GTF2I: variants seen among roughly 807,000 people sequenced by gnomAD.
The protein encoded by GTF2I is general transcription factor II-I.
Under a neutral mutation model 67.6 loss-of-function variants are expected in GTF2I, and 12 were observed. The ratio of observed to expected loss-of-function variants is 0.18; its 90% confidence interval spans 0.11 to 0.29. The LOEUF is 0.29. GTF2I is among the 10% of genes least tolerant of loss of function. GTF2I has a pLI of 1.00. For missense variants in GTF2I, 271 were observed against 580.1 expected (o/e 0.47, Z 5.47); for synonymous variants, 149 against 197.0 (o/e 0.76, Z 2.04).
chr7:74,675,699 G>C (rs190227352), intron 1 of GTF2I, among the ~76,000 whole-genome samples: 3 of 152,106 alleles, frequency 2.0e-5, no homozygotes, highest in Admixed American at 2.0e-4. Flanking sequence ...AAATTTTACA[G>C]TGTATAGTGT....
At chr7:74,661,781 A>G (rs1374264915) in intron 1 of GTF2I, among the ~76,000 whole-genome samples, 2 of 152,220 alleles carry the variant, frequency 1.3e-5, no homozygotes, top group African/African-American at 4.8e-5. Flanking sequence ...AATTCCTGTT[A>G]GCCATGATTA....
chr7:74,661,211 A>G (rs587632088), intron 1 of GTF2I, among the ~76,000 whole-genome samples: 3 of 151,406 alleles, frequency 2.0e-5, no homozygotes, highest in African/African-American at 4.9e-5. Flanking sequence ...GCTGGGCCCT[A>G]CCTCCCAGGC....
At chr7:74,689,316 G>T in intron 2 of GTF2I, 89 bp downstream of exon 2, 6 of 507,830 alleles carry the variant, frequency 1.2e-5, no homozygotes, top group South Asian at 1.1e-4. Flanking sequence ...AGAATTTTAT[G>T]GTTTTTAGTT....
At chr7:74,695,009 A>G (rs185180559) in intron 3 of GTF2I, among the ~76,000 whole-genome samples, 24 of 152,352 alleles carry the variant, frequency 1.6e-4, no homozygotes, top group Admixed American at 1.5e-3. Context: ...GAATATTTTA[A>G]GCCCACTTTT....
chr7:74,700,139 T>A, intron 4 of GTF2I, 108 bp from the exon 5 acceptor site: 1 of 1,106,764 alleles, frequency 9.0e-7, no homozygotes, highest in Admixed American at 2.5e-5. Context: ...TGAAATCATA[T>A]ATTATAAAAA....
chr7:74,701,198 A>C (rs374709986), intron 6 of GTF2I, among the ~76,000 whole-genome samples: 8 of 152,304 alleles, frequency 5.3e-5, no homozygotes, highest in African/African-American at 1.7e-4. Context: ...AGCTTCCTTT[A>C]GGGAAGTCTA....
intron 6 of GTF2I, among the ~76,000 whole-genome samples, chr7:74,703,834 A>G (rs1169935245): frequency 6.6e-6 from 1 of 152,240 alleles, no homozygotes; most frequent in Non-Finnish European, 1.5e-5. Context: ...TATATTATAC[A>G]AGGTAAAGGT....
chr7:74,703,473 G>A (rs933660201), intron 6 of GTF2I, among the ~76,000 whole-genome samples: 34 of 151,880 alleles, frequency 2.2e-4, no homozygotes, highest in Admixed American at 1.4e-3. Flanking sequence ...TCTGCCTCCC[G>A]GGTTCAAGCA....
chr7:74,689,479 C>G (rs1384492556), intron 2 of GTF2I, among the ~76,000 whole-genome samples: 8 of 150,578 alleles, frequency 5.3e-5, no homozygotes, highest in African/African-American at 2.0e-4. Flanking sequence ...CTTAGCCTTC[C>G]GAGTAGCTGG....
chr7:74,662,100 T>G (rs1447903157), intron 1 of GTF2I, among the ~76,000 whole-genome samples: 1 of 151,652 alleles, frequency 6.6e-6, no homozygotes, highest in Non-Finnish European at 1.5e-5. Flanking sequence ...CTTACTCAAA[T>G]ATGACTACAG....
At chr7:74,727,723 C>T (rs1794031286) in intron 12 of GTF2I, 1 of 152,114 alleles carries the variant, frequency 6.6e-6, no homozygotes, top group South Asian at 2.1e-4. Flanking sequence ...TAGCATGTTA[C>T]CTGACACTTT....
At chr7:74,696,330 T>C (rs1269361212) in intron 3 of GTF2I, among the ~76,000 whole-genome samples, 1 of 151,358 alleles carries the variant, frequency 6.6e-6, no homozygotes, top group Non-Finnish European at 1.5e-5. Context: ...TATCTAATTC[T>C]CCTTCTTCTC....
chr7:74,668,556 A>G (rs587745741), intron 1 of GTF2I, among the ~76,000 whole-genome samples: 14 of 151,416 alleles, frequency 9.2e-5, no homozygotes, highest in Middle Eastern at 3.4e-3. Flanking sequence ...GTCCTTAAAG[A>G]TCATATTTAT....
At chr7:74,690,939 G>T (rs191200616) in intron 2 of GTF2I, 34 bp from the exon 3 acceptor site, 2 of 1,590,696 alleles carry the variant, frequency 1.3e-6, no homozygotes, top group East Asian at 2.2e-5. Flanking sequence ...TTAAACGTCC[G>T]CCTGTAACAT....
intron 8 of GTF2I, among the ~76,000 whole-genome samples, chr7:74,709,161 A>C (rs1398243924): frequency 1.3e-5 from 2 of 152,258 alleles, no homozygotes; most frequent in African/African-American, 4.8e-5. Context: ...ACACATTTGT[A>C]ACAGACAAGG....
intron 12 of GTF2I, among the ~76,000 whole-genome samples, chr7:74,722,177 C>T (rs1486801322): frequency 6.6e-6 from 1 of 152,122 alleles, no homozygotes; most frequent in Non-Finnish European, 1.5e-5. Context: ...CCGACGCGGA[C>T]GTGTTTGTGG....
intron 10 of GTF2I, 99 bp downstream of exon 10, chr7:74,715,015 C>A: frequency 1.5e-6 from 1 of 658,712 alleles, no homozygotes; most frequent in Non-Finnish European, 2.4e-6. Context: ...TACAGTATTA[C>A]TTTTCTAAAT....
intron 10 of GTF2I, 45 bp downstream of exon 10, chr7:74,714,961 A>G: frequency 8.3e-7 from 1 of 1,199,414 alleles, no homozygotes; most frequent in Non-Finnish European, 1.2e-6. Flanking sequence ...GCTTGTGTTT[A>G]ATGTTTCCTT....
chr7:74,667,786 G>A (rs1554389146), intron 1 of GTF2I, among the ~76,000 whole-genome samples: 1 of 151,766 alleles, frequency 6.6e-6, no homozygotes, highest in African/African-American at 2.4e-5. Context: ...CCAAAGTGCT[G>A]GGATTAGAGA....
Sources: gnomAD v4.1 joint callset for allele counts (sites outside exome capture counted in the v4.1 genomes callset) on GRCh38, gnomAD v4.1.1 for gene constraint, MANE v1.5 for transcripts, NCBI Gene and HGNC (gene_info 2026-07-23, HGNC 2026-07-21) for gene names.